SZRD1: variants seen among roughly 807,000 people sequenced by gnomAD.
SZRD1 encodes the protein SUZ RNA-binding domain-containing.
A neutral mutation model predicts 17.6 loss-of-function variants in SZRD1; 7 were observed. The ratio of observed to expected loss-of-function variants is 0.40; its 90% CI spans 0.23 to 0.75. The LOEUF (loss-of-function observed/expected upper bound fraction) is 0.75, where lower values mean the gene tolerates loss of function less well. SZRD1 is among the 30% of genes least tolerant of loss of function. The pLI is 0.38. For missense variants in SZRD1, 178 were observed against 201.8 expected, an observed-to-expected ratio of 0.88 and a Z score of 0.71; for synonymous variants, 77 against 77.9, an observed-to-expected ratio of 0.99 and a Z score of 0.06.
In SZRD1 at chr1:16,382,189, GT is replaced by G. The variant is rs113637508; in HGVS notation, c.52-9176del. Among the ~76,000 whole-genome samples the G allele has an allele frequency of 4.7e-5, 7 of 147,546 alleles. 1 individual carries two copies. The highest frequency in any genetic ancestry group is 9.9e-5 in the African/African-American group (4 of 40,298). ...GCTGAGCAGGGGCTAGCATGGGTGG[GT>G]TTTTTTTTTCTTTTTTGAGATGGAG... On this transcript the variant is annotated intron_variant, in intron 1 of 3. Coordinates refer to ENST00000401088, the MANE Select transcript of SZRD1 (RefSeq NM_001114600.3).
intron 1 of SZRD1, among the ~76,000 whole-genome samples, chr1:16,382,736 C>T (rs994939636): frequency 6.6e-6 from 1 of 150,716 alleles, no homozygotes; most frequent in Non-Finnish European, 1.5e-5. Context: ...CTCAGGTGAT[C>T]CGCCAGCCTC....
chr1:16,385,490 A>G (rs1267943738), intron 1 of SZRD1, among the ~76,000 whole-genome samples: 2 of 152,174 alleles, frequency 1.3e-5, no homozygotes, highest in Non-Finnish European at 2.9e-5. Flanking sequence ...GCTTTACACT[A>G]AGACCCAGAA....
At chr1:16,390,968 G>C (rs940833703) in intron 1 of SZRD1, among the ~76,000 whole-genome samples, 2 of 152,070 alleles carry the variant, frequency 1.3e-5, no homozygotes, top group Admixed American at 1.3e-4. Flanking sequence ...GCAGTTGAAG[G>C]GTTTAAAGTA....
intron 1 of SZRD1, chr1:16,369,471 C>A (rs1443689484): frequency 9.9e-7 from 1 of 1,012,128 alleles, no homozygotes; most frequent in African/African-American, 1.6e-5. Context: ...CAAGAGTGAA[C>A]TTCAGAACCT....
At chr1:16,386,428 T>C (rs556577024) in intron 1 of SZRD1, among the ~76,000 whole-genome samples, 2 of 152,368 alleles carry the variant, frequency 1.3e-5, no homozygotes, top group Admixed American at 6.5e-5. Context: ...TTTAATTCCA[T>C]TGGGCTATTG....
chr1:16,378,161 G>A (rs2083034602), intron 1 of SZRD1, among the ~76,000 whole-genome samples: 1 of 152,092 alleles, frequency 6.6e-6, no homozygotes, highest in African/African-American at 2.4e-5. Flanking sequence ...CCTTTGAGGA[G>A]GCACTCAAAA....
chr1:16,374,295 G>A (rs1267733496), intron 1 of SZRD1, among the ~76,000 whole-genome samples: 1 of 152,210 alleles, frequency 6.6e-6, no homozygotes, highest in Non-Finnish European at 1.5e-5. Flanking sequence ...TTTCTGTGAA[G>A]CAGTTGGGCA....
intron 1 of SZRD1, among the ~76,000 whole-genome samples, chr1:16,374,330 G>A (rs1355434382): frequency 6.6e-6 from 1 of 152,186 alleles, no homozygotes; most frequent in Non-Finnish European, 1.5e-5. Flanking sequence ...CTGCTGAGCA[G>A]TCTGTCCCTG....
At chr1:16,376,161 C>T (rs1297567044) in intron 1 of SZRD1, among the ~76,000 whole-genome samples, 1 of 152,168 alleles carries the variant, frequency 6.6e-6, no homozygotes, top group Non-Finnish European at 1.5e-5. Context: ...TCGGTCCAGC[C>T]CTGGCTGTTA....
intron 1 of SZRD1, among the ~76,000 whole-genome samples, chr1:16,380,535 C>T (rs1024613206): frequency 6.6e-6 from 1 of 151,956 alleles, no homozygotes; most frequent in South Asian, 2.1e-4. Context: ...GTGGCGTGAT[C>T]GCGGTTCACC....
intron 1 of SZRD1, among the ~76,000 whole-genome samples, chr1:16,372,953 T>G (rs2082938514): frequency 6.6e-6 from 1 of 152,150 alleles, no homozygotes; most frequent in Non-Finnish European, 1.5e-5. Context: ...GATGCCTAAG[T>G]TAAGATTTGA....
intron 1 of SZRD1, among the ~76,000 whole-genome samples, chr1:16,383,066 A>G (rs542861382): frequency 2.0e-5 from 3 of 152,088 alleles, no homozygotes; most frequent in East Asian, 3.9e-4. Flanking sequence ...GGGTTTCACC[A>G]TATTGCTCAG....
chr1:16,382,505 GT>G (rs973464347), intron 1 of SZRD1, among the ~76,000 whole-genome samples: 3 of 126,846 alleles, frequency 2.4e-5, no homozygotes, highest in African/African-American at 9.6e-5. Flanking sequence ...TTTTTTTTTT[GT>G]TTTTTTTTAA....
At chr1:16,392,645 C>G (rs2085237769) in intron 2 of SZRD1, among the ~76,000 whole-genome samples, 1 of 152,166 alleles carries the variant, frequency 6.6e-6, no homozygotes, top group African/African-American at 2.4e-5. Flanking sequence ...ATTCAGTTGT[C>G]TGGTGTAGCT....
At chr1:16,367,378 G>C in intron 1 of SZRD1, 70 bp downstream of exon 1, 1 of 1,436,864 alleles carries the variant, frequency 7.0e-7, no homozygotes, top group African/African-American at 1.4e-5. Context: ...CCGGGGAGCG[G>C]GTCTGGAGAT....
chr1:16,372,147 G>T (rs2082925166), intron 1 of SZRD1, among the ~76,000 whole-genome samples: 1 of 151,704 alleles, frequency 6.6e-6, no homozygotes, highest in African/African-American at 2.4e-5. Flanking sequence ...TTGAGACAGG[G>T]TTTCGTCCTA....
intron 1 of SZRD1, among the ~76,000 whole-genome samples, chr1:16,376,623 T>A (rs1455879894): frequency 6.6e-6 from 1 of 151,968 alleles, no homozygotes; most frequent in Non-Finnish European, 1.5e-5. Flanking sequence ...CTGGCCAACA[T>A]GGTGAAACCT....
At chr1:16,375,328 T>C (rs778478101) in intron 1 of SZRD1, among the ~76,000 whole-genome samples, 195 of 152,118 alleles carry the variant, frequency 1.3e-3, no homozygotes, top group Non-Finnish European at 2.4e-3. Flanking sequence ...TTTTTTTCTT[T>C]TTTTTGAGAA....
intron 1 of SZRD1, among the ~76,000 whole-genome samples, chr1:16,385,057 G>A (rs895369511): frequency 2.0e-5 from 3 of 152,214 alleles, no homozygotes; most frequent in Non-Finnish European, 4.4e-5. Context: ...TAACCTTGTT[G>A]CCAATAAAAG....
Sources: allele counts gnomAD v4.1 joint callset (sites outside exome capture counted in the v4.1 genomes callset), GRCh38; gene constraint gnomAD v4.1.1; transcripts MANE v1.5; gene names NCBI Gene and HGNC (gene_info 2026-07-23, HGNC 2026-07-21).